TTC23: variants seen among roughly 807,000 people sequenced by gnomAD.
The protein encoded by TTC23 is tetratricopeptide repeat domain 23.
TTC23 carries 58 observed loss-of-function variants against 55.1 expected under a neutral mutation model. The ratio of observed to expected loss-of-function variants is 1.05; its 90% CI spans 0.85 to 1.31. The LOEUF (loss-of-function observed/expected upper bound fraction) is 1.31, where lower values mean the gene tolerates loss of function less well. TTC23 is among the 50% of genes most tolerant of loss of function. The probability of loss-of-function intolerance (pLI) is 0.00; values close to 1 mark genes in which losing one functional copy is unlikely to be tolerated. For missense variants in TTC23, 516 were observed against 534.4 expected (o/e 0.97, Z 0.34); for synonymous variants, 203 against 199.9 (o/e 1.02, Z -0.13).
chr15:99,189,355 T>C (rs2075030127), intron 9 of TTC23, among the ~76,000 whole-genome samples: 2 of 152,198 alleles, frequency 1.3e-5, no homozygotes, highest in Admixed American at 6.5e-5. Flanking sequence ...CAGTTATGAC[T>C]GGTTCAGGAA....
chr15:99,154,201 T>C (rs1345763796), intron 12 of TTC23, among the ~76,000 whole-genome samples: 1 of 152,242 alleles, frequency 6.6e-6, no homozygotes, highest in Non-Finnish European at 1.5e-5. Context: ...GCATGAAAGA[T>C]AAGGTGAACT....
intron 1 of TTC23, among the ~76,000 whole-genome samples, chr15:99,247,137 G>T (rs1238429437): frequency 6.6e-6 from 1 of 152,190 alleles, no homozygotes; most frequent in Admixed American, 6.5e-5. Context: ...AAATCCAGCT[G>T]AATGACTACA....
intron 12 of TTC23, among the ~76,000 whole-genome samples, chr15:99,153,703 GA>G (rs1303328419): frequency 6.6e-6 from 1 of 151,684 alleles, no homozygotes; most frequent in Non-Finnish European, 1.5e-5. Flanking sequence ...CATAAACACA[GA>G]AAAAAATTTC....
chr15:99,223,935 A>G (rs2152057939), intron 5 of TTC23, among the ~76,000 whole-genome samples: 1 of 152,362 alleles, frequency 6.6e-6, no homozygotes, highest in Middle Eastern at 3.4e-3. Context: ...AAAGCAGAGG[A>G]AGAAAGGTAA....
At position 99,138,122 on chromosome 15, in the gene TTC23, G is replaced by C. The variant is rs2067742079; in HGVS notation, c.1232C>G (p.Pro411Arg). 1 of 1,612,326 alleles carries C rather than the reference G, an allele frequency of 6.2e-7. No individual in the cohort carries two copies. Among genetic ancestry groups the C allele is most frequent in the Non-Finnish European group, 8.5e-7 (1 of 1,179,976 alleles). Residue 411 changes from proline to arginine, a missense_variant, in exon 14 of 14, where the codon CCC (proline) becomes CGC (arginine). Coordinates refer to ENST00000394132, the MANE Select transcript of TTC23 (RefSeq NM_001288615.3). ...CTGCCTTGGCTTCGAAGCAACCTTG[G>C]GGGCCCTGCAGACAAGCAGAGGGTG... is the stretch of plus-strand genomic sequence containing the variant. Reference protein sequence around the residue: ...QQAMGMLSTAPKVASKPRQAS... With the variant: ...QQAMGMLSTARKVASKPRQAS...
chr15:99,144,410 G>C (rs2068592978), intron 12 of TTC23: 1 of 152,164 alleles, frequency 6.6e-6, no homozygotes, highest in Admixed American at 6.5e-5. Flanking sequence ...AATATTTTCT[G>C]TTTCAGGGGG....
chr15:99,137,697 C>T lies in TTC23; in HGVS notation c.*313G>A. On this transcript the variant is annotated 3_prime_UTR_variant, in exon 14 of 14. Coordinates refer to ENST00000394132, the MANE Select transcript of TTC23 (RefSeq NM_001288615.3). ...AGCAGATGCCGGGCTGACTCCTGCA[C>T]AGGGCGCACTGAACTGTTGAAGAGA... The T allele has an allele frequency of 3.1e-6, 1 of 319,666 alleles. No homozygotes were observed. Among genetic ancestry groups the T allele is most frequent in the Non-Finnish European group, 5.9e-6 (1 of 168,096 alleles). 19.8% of individuals were successfully genotyped at this position (319,666 alleles called of 1,614,324 possible).
At chr15:99,243,189 C>CA (rs1172499409) in intron 2 of TTC23, among the ~76,000 whole-genome samples, 1 of 152,084 alleles carries the variant, frequency 6.6e-6, no homozygotes, top group Non-Finnish European at 1.5e-5. Context: ...AAAAAGTGAG[C>CA]AAAAGATCTG....
chr15:99,206,246 A>G (rs2076618427), intron 8 of TTC23, among the ~76,000 whole-genome samples: 1 of 152,150 alleles, frequency 6.6e-6, no homozygotes, highest in Non-Finnish European at 1.5e-5. Flanking sequence ...ATCCATATTC[A>G]TCAGAGATAT....
chr15:99,149,195 T>C (rs1781675528), intron 12 of TTC23, among the ~76,000 whole-genome samples: 1 of 152,340 alleles, frequency 6.6e-6, no homozygotes, highest in Middle Eastern at 3.4e-3. Flanking sequence ...AAGTCCCCAT[T>C]TGTGCCCTGG....
chr15:99,182,176 C>G lies in TTC23; in HGVS notation c.760-7021G>C, dbSNP rs1386769581. Among the ~76,000 whole-genome samples the G allele has an allele frequency of 5.3e-5, 8 of 151,510 alleles. No homozygotes were observed. The East Asian group carries it at 1.6e-3, about 29-fold the overall frequency. On this transcript the variant is annotated intron_variant, in intron 9 of 13. Transcript: ENST00000394132. ...CTACCTGCCTTAACCTCTTTTTCTC[C>G]CCATTCCCAGGCTTACAGCTAATCA...
At chr15:99,197,317 T>G (rs189878346) in intron 9 of TTC23, among the ~76,000 whole-genome samples, 1 of 152,190 alleles carries the variant, frequency 6.6e-6, no homozygotes, top group East Asian at 1.9e-4. Context: ...TTAGCCAGGA[T>G]GGTCTTGATC....
In TTC23 at chr15:99,204,632, G is replaced by GTT. The variant is rs56890685; in HGVS notation, c.582-4538_582-4537dup. Reference sequence around the variant, plus strand: ...TCAGAGTTTCAGTCTTAGATTTAAGGTTTTTTTTTTTTTTTTTTTTTTTAG... The same window carrying GTT: ...TCAGAGTTTCAGTCTTAGATTTAAGGTTTTTTTTTTTTTTTTTTTTTTTTTAG... On this transcript the variant is annotated intron_variant, in intron 8 of 13. Coordinates refer to ENST00000394132, the MANE Select transcript of TTC23 (RefSeq NM_001288615.3). Among the ~76,000 whole-genome samples, 327 of 60,864 alleles carry GTT rather than the reference G, an allele frequency of 5.4e-3. 23 individuals are homozygous for GTT. The highest frequency in any genetic ancestry group is 0.023 in the East Asian group (42 of 1,846). 39.9% of individuals were successfully genotyped at this position (60,864 alleles called of 152,430 possible).
rs2076485616 is a variant in TTC23 at position 99,204,758 on chromosome 15, C to T, written c.582-4662G>A. ...TCAAATGATTCTCCCACCTTAGGCC[C>T]CAGAGTAGCTGGGACTATAGGTGCA... On this transcript the variant is annotated intron_variant, in intron 8 of 13. Transcript: ENST00000394132. Among the ~76,000 whole-genome samples the T allele has an allele frequency of 2.0e-5, 3 of 149,218 alleles. No homozygotes were observed. In the South Asian group the frequency reaches 6.4e-4, roughly 32 times the overall value.
intron 11 of TTC23, chr15:99,158,457 G>A (rs569650682): frequency 4.4e-4 from 67 of 152,398 alleles, no homozygotes; most frequent in African/African-American, 1.5e-3. Flanking sequence ...AACTGAGATA[G>A]TATCAACCTC....
intron 12 of TTC23, 153 bp downstream of exon 12, chr15:99,155,995 T>G: frequency 1.0e-6 from 1 of 956,648 alleles, no homozygotes; most frequent in Non-Finnish European, 1.5e-6. Flanking sequence ...ACCCAAAAAG[T>G]ATCAGGTTAG....
intron 9 of TTC23, among the ~76,000 whole-genome samples, chr15:99,187,592 G>A (rs2074843837): frequency 6.6e-6 from 1 of 151,716 alleles, no homozygotes; most frequent in African/African-American, 2.4e-5. Context: ...CACAGATAAG[G>A]CTCTAGTATC....
At chr15:99,220,551 G>A (rs1448536237) in intron 6 of TTC23, among the ~76,000 whole-genome samples, 3 of 152,130 alleles carry the variant, frequency 2.0e-5, no homozygotes, top group African/African-American at 7.2e-5. Flanking sequence ...TGGGGTGGGA[G>A]GGCAGAGTTT....
At chr15:99,226,867 G>A (rs1252508699) in intron 5 of TTC23, among the ~76,000 whole-genome samples, 4 of 152,042 alleles carry the variant, frequency 2.6e-5, no homozygotes, top group Admixed American at 6.6e-5. Flanking sequence ...ATAATAATCC[G>A]GTTCATTTAC....
Sources: gnomAD v4.1 joint callset for allele counts (sites outside exome capture counted in the v4.1 genomes callset) on GRCh38, gnomAD v4.1.1 for gene constraint, MANE v1.5 for transcripts, NCBI Gene and HGNC (gene_info 2026-07-23, HGNC 2026-07-21) for gene names.